The following LRMDA variants were observed in gnomAD, a reference collection of about 807,000 sequenced individuals.
LRMDA encodes leucine-rich melanocyte differentiation-associated protein.
LRMDA carries 18 observed loss-of-function variants against 29.8 expected under a neutral mutation model. That is an observed-to-expected ratio of 0.60 (90% CI 0.42 to 0.90). The LOEUF (loss-of-function observed/expected upper bound fraction) is 0.90. Among genes scored for constraint, LRMDA ranks in the 40% least tolerant of loss-of-function variants. The pLI, the probability that LRMDA is intolerant of heterozygous loss-of-function variation, is 0.00. For missense variants in LRMDA, 273 were observed against 273.9 expected (o/e 1.00, Z 0.02); for synonymous variants, 125 against 109.4 (o/e 1.14, Z -0.89).
intron 6 of LRMDA, among the ~76,000 whole-genome samples, chr10:76,449,748 A>G (rs72642263): frequency 0.092 from 13,905 of 151,946 alleles, 1,193 homozygotes; most frequent in African/African-American, 0.22. Context: ...TAAACTATAT[A>G]CTAAATCCTA....
At chr10:75,851,597 C>G (rs1426321814) in intron 2 of LRMDA, among the ~76,000 whole-genome samples, 1 of 152,148 alleles carries the variant, frequency 6.6e-6, no homozygotes, top group Non-Finnish European at 1.5e-5. Flanking sequence ...ATGCAGTGAA[C>G]CCTAATTCTC....
intron 5 of LRMDA, among the ~76,000 whole-genome samples, chr10:76,125,715 A>G (rs913187948): frequency 6.6e-6 from 1 of 152,138 alleles, no homozygotes; most frequent in African/African-American, 2.4e-5. Context: ...ACTGTGTCCC[A>G]CATCAGGACT....
chr10:75,505,543 G>A (rs1202838623), intron 2 of LRMDA, among the ~76,000 whole-genome samples: 1 of 152,152 alleles, frequency 6.6e-6, no homozygotes, highest in East Asian at 1.9e-4. Flanking sequence ...TGTTCATTTT[G>A]TGCTGTTTAG....
chr10:76,525,163 T>C (rs548172439), intron 6 of LRMDA, among the ~76,000 whole-genome samples: 2 of 152,270 alleles, frequency 1.3e-5, no homozygotes, highest in Non-Finnish European at 2.9e-5. Context: ...GCAAAAGATA[T>C]GAATTGCACC....
chr10:75,473,237 G>C (rs948043491), intron 2 of LRMDA, among the ~76,000 whole-genome samples: 1 of 152,238 alleles, frequency 6.6e-6, no homozygotes, highest in Non-Finnish European at 1.5e-5. Flanking sequence ...ATACCAAAGT[G>C]GGGGGAAACC....
chr10:76,197,771 T>C (rs1286811270), intron 5 of LRMDA, among the ~76,000 whole-genome samples: 1 of 151,978 alleles, frequency 6.6e-6, no homozygotes, highest in Non-Finnish European at 1.5e-5. Context: ...AATACAAAAA[T>C]TAGCCGGGCA....
At chr10:75,546,804 C>A (rs1230844006) in intron 2 of LRMDA, among the ~76,000 whole-genome samples, 1 of 152,120 alleles carries the variant, frequency 6.6e-6, no homozygotes, top group Admixed American at 6.6e-5. Context: ...AGTGGCTATT[C>A]AGATTATGAT....
chr10:76,290,755 G>T (rs1002850593), intron 5 of LRMDA, among the ~76,000 whole-genome samples: 1 of 152,082 alleles, frequency 6.6e-6, no homozygotes, highest in African/African-American at 2.4e-5. Context: ...TGGTTAGGTG[G>T]ACATTTCTAG....
intron 5 of LRMDA, among the ~76,000 whole-genome samples, chr10:76,198,894 T>C (rs1397722680): frequency 6.6e-6 from 1 of 152,240 alleles, no homozygotes; most frequent in Non-Finnish European, 1.5e-5. Context: ...TCTACTATTG[T>C]ATGAAGACTC....
At chr10:76,171,338 C>CGT (rs1265273353) in intron 5 of LRMDA, among the ~76,000 whole-genome samples, 1 of 152,196 alleles carries the variant, frequency 6.6e-6, no homozygotes, top group African/African-American at 2.4e-5. Flanking sequence ...GGGGTTTCAC[C>CGT]GTGTCAGCCA....
chr10:75,999,338 A>T (rs1464023962), intron 2 of LRMDA, among the ~76,000 whole-genome samples: 1 of 152,172 alleles, frequency 6.6e-6, no homozygotes, highest in Non-Finnish European at 1.5e-5. Flanking sequence ...GCTGAGATTT[A>T]TTGTTGTCAC....
chr10:76,085,965 C>T (rs1849127590), intron 5 of LRMDA, among the ~76,000 whole-genome samples: 1 of 152,224 alleles, frequency 6.6e-6, no homozygotes, highest in South Asian at 2.1e-4. Context: ...CAGTCACCAA[C>T]TCCTCCCACC....
At chr10:75,848,991 G>A (rs1480259013) in intron 2 of LRMDA, among the ~76,000 whole-genome samples, 1 of 152,152 alleles carries the variant, frequency 6.6e-6, no homozygotes, top group African/African-American at 2.4e-5. Context: ...TCAGGAGACT[G>A]GAAGGTGGAG....
intron 2 of LRMDA, among the ~76,000 whole-genome samples, chr10:75,973,419 C>CT (rs5786207): frequency 0.013 from 1,774 of 137,054 alleles, 47 homozygotes; most frequent in East Asian, 0.12. Flanking sequence ...TGCCCTTGTC[C>CT]TTTTTTTTTT....
chr10:75,744,302 C>G (rs1213085924), intron 2 of LRMDA, among the ~76,000 whole-genome samples: 1 of 152,142 alleles, frequency 6.6e-6, no homozygotes, highest in Non-Finnish European at 1.5e-5. Flanking sequence ...GTTCATATAT[C>G]CTCCTTAACC....
At chr10:75,441,688 C>T (rs1157801363) in intron 2 of LRMDA, among the ~76,000 whole-genome samples, 2 of 152,162 alleles carry the variant, frequency 1.3e-5, no homozygotes, top group Non-Finnish European at 2.9e-5. Flanking sequence ...TCCTCAGAAG[C>T]ACAAAATTCT....
chr10:75,521,456 G>T (rs186499438), intron 2 of LRMDA, among the ~76,000 whole-genome samples: 470 of 152,346 alleles, frequency 3.1e-3, no homozygotes, highest in Middle Eastern at 0.014. Context: ...CTCGCAGGTC[G>T]ATCTCAGACT....
intron 6 of LRMDA, among the ~76,000 whole-genome samples, chr10:76,437,140 G>A (rs1842253531): frequency 6.6e-6 from 1 of 152,204 alleles, no homozygotes; most frequent in African/African-American, 2.4e-5. Context: ...GGACCAGCAA[G>A]AACAGCTGGA....
intron 2 of LRMDA, chr10:75,782,727 G>T: frequency 7.6e-7 from 1 of 1,318,356 alleles, no homozygotes; most frequent in Non-Finnish European, 9.7e-7. Flanking sequence ...ATGGAGACCG[G>T]GGCGAAACTG....
Sources: gnomAD v4.1 joint callset for allele counts (sites outside exome capture counted in the v4.1 genomes callset) on GRCh38, gnomAD v4.1.1 for gene constraint, MANE v1.5 for transcripts, NCBI Gene and HGNC (gene_info 2026-07-23, HGNC 2026-07-21) for gene names.